Variants in DSCAM observed in about 807,000 individuals in gnomAD.
DSCAM encodes the protein DS cell adhesion molecule, also known as cell adhesion molecule DSCAM.
A neutral mutation model predicts 217.7 loss-of-function variants in DSCAM; 47 were observed. The ratio of observed to expected loss-of-function variants is 0.22; its 90% CI spans 0.17 to 0.28. DSCAM has a LOEUF of 0.28. DSCAM is among the 10% of genes least tolerant of loss of function. The pLI is 1.00. For synonymous variants in DSCAM, 1,056 were observed against 1,015.3 expected (o/e 1.04, Z -0.76); for missense variants, 2,080 against 2,618.3 (o/e 0.79, Z 4.49).
intron 27 of DSCAM, among the ~76,000 whole-genome samples, chr21:40,070,390 GGAAGGA>G (rs1568924707): frequency 2.1e-5 from 3 of 139,890 alleles, no homozygotes; most frequent in Non-Finnish European, 3.2e-5. Flanking sequence ...AAGCAAGGAA[GGAAGGA>G]AAAGAAAAGA....
intron 3 of DSCAM, among the ~76,000 whole-genome samples, chr21:40,650,158 T>A (rs753591402): frequency 5.3e-5 from 8 of 152,130 alleles, no homozygotes; most frequent in Non-Finnish European, 1.0e-4. Flanking sequence ...CTTCCCAAGG[T>A]CAAATGCCCA....
At position 40,758,496 on chromosome 21, in the gene DSCAM, G is replaced by A. The variant is rs969263431; in HGVS notation, c.44-49725C>T. 2.7e-3 allele frequency among the ~76,000 whole-genome samples: 316 copies of A among 118,262 alleles called. 2 individuals carry two copies. The highest frequency in any genetic ancestry group is 9.2e-3 in the African/African-American group (278 of 30,324). The allele number at this position is 118,262 out of a possible 152,430, so 77.6% of individuals were successfully genotyped here. Reference sequence around the variant, plus strand: ...GGTGCCACTGCACTCCAGCCTGGGCGACAGAGCAAGACTCTGTCTCAAAAA... The same window carrying A: ...GGTGCCACTGCACTCCAGCCTGGGCAACAGAGCAAGACTCTGTCTCAAAAA... On this transcript the variant is annotated intron_variant, in intron 1 of 32. Coordinates refer to ENST00000400454, the MANE Select transcript of DSCAM (RefSeq NM_001389.5).
chr21:40,021,849 C>T (rs1340610878), intron 32 of DSCAM, among the ~76,000 whole-genome samples: 1 of 152,192 alleles, frequency 6.6e-6, no homozygotes, highest in Non-Finnish European at 1.5e-5. Context: ...GATTCACACT[C>T]AGAGCTTGTC....
chr21:40,756,343 C>T (rs889389098), intron 1 of DSCAM, among the ~76,000 whole-genome samples: 11 of 152,146 alleles, frequency 7.2e-5, no homozygotes, highest in Non-Finnish European at 1.2e-4. Context: ...TCTTGTACAG[C>T]CTACAGAACA....
intron 3 of DSCAM, among the ~76,000 whole-genome samples, chr21:40,427,448 C>G (rs2075486170): frequency 1.3e-5 from 2 of 152,234 alleles, no homozygotes; most frequent in Admixed American, 6.5e-5. Flanking sequence ...ACCAAACCCC[C>G]TCCAATCTGG....
intron 3 of DSCAM, among the ~76,000 whole-genome samples, chr21:40,692,030 T>A (rs2090543808): frequency 6.6e-6 from 1 of 152,246 alleles, no homozygotes; most frequent in Non-Finnish European, 1.5e-5. Flanking sequence ...CAGACATGTC[T>A]AAAAAAGGCA....
intron 3 of DSCAM, among the ~76,000 whole-genome samples, chr21:40,648,108 A>T (rs1209936152): frequency 6.6e-6 from 1 of 152,220 alleles, no homozygotes; most frequent in Non-Finnish European, 1.5e-5. Context: ...GGAAAAGTAA[A>T]ATAAAAGACT....
At chr21:40,594,166 G>A (rs1048318046) in intron 3 of DSCAM, among the ~76,000 whole-genome samples, 3 of 152,078 alleles carry the variant, frequency 2.0e-5, no homozygotes, top group Admixed American at 6.5e-5. Flanking sequence ...AAAACTTATT[G>A]GGATAAAGTC....
At chr21:40,719,121 A>C (rs1461334597) in intron 1 of DSCAM, among the ~76,000 whole-genome samples, 3 of 150,752 alleles carry the variant, frequency 2.0e-5, no homozygotes. Flanking sequence ...GTCTCCAAAG[A>C]AGAAAAACAC....
At chr21:40,088,324 G>A (rs1415134318) in intron 21 of DSCAM, among the ~76,000 whole-genome samples, 1 of 152,146 alleles carries the variant, frequency 6.6e-6, no homozygotes, top group Non-Finnish European at 1.5e-5. Flanking sequence ...TGGGTTGAGG[G>A]TTTGCATTGG....
intron 1 of DSCAM, among the ~76,000 whole-genome samples, chr21:40,766,933 G>A (rs910663467): frequency 2.0e-5 from 3 of 151,980 alleles, no homozygotes; most frequent in Non-Finnish European, 4.4e-5. Flanking sequence ...TGATCCACCC[G>A]CCTTGGCCTC....
intron 1 of DSCAM, among the ~76,000 whole-genome samples, chr21:40,755,085 T>C (rs1361066057): frequency 1.2e-4 from 19 of 152,050 alleles, no homozygotes; most frequent in Admixed American, 1.1e-3. Flanking sequence ...TCCCACAACA[T>C]GGAAGAGGAA....
chr21:40,155,057 G>C (rs1414062926), intron 16 of DSCAM, among the ~76,000 whole-genome samples: 2 of 152,172 alleles, frequency 1.3e-5, no homozygotes, highest in Non-Finnish European at 2.9e-5. Flanking sequence ...GACAGCTTCC[G>C]CTTTATTCAT....
At chr21:40,594,238 C>A (rs1004032035) in intron 3 of DSCAM, among the ~76,000 whole-genome samples, 1 of 152,144 alleles carries the variant, frequency 6.6e-6, no homozygotes, top group African/African-American at 2.4e-5. Flanking sequence ...AGATTTGGAA[C>A]AATAATACAC....
chr21:40,424,045 A>G (rs1472485735), intron 3 of DSCAM, among the ~76,000 whole-genome samples: 1 of 152,226 alleles, frequency 6.6e-6, no homozygotes, highest in Non-Finnish European at 1.5e-5. Flanking sequence ...TATGATTTCT[A>G]AAAACAGGAA....
chr21:40,535,415 A>G (rs535735785), intron 3 of DSCAM, among the ~76,000 whole-genome samples: 85 of 152,360 alleles, frequency 5.6e-4, no homozygotes, highest in Admixed American at 1.8e-3. Flanking sequence ...TGCCTGCCAC[A>G]TTGTATCTCA....
At chr21:40,575,443 AAGAC>A (rs2076842140) in intron 3 of DSCAM, among the ~76,000 whole-genome samples, 1 of 152,066 alleles carries the variant, frequency 6.6e-6, no homozygotes, top group African/African-American at 2.4e-5. Flanking sequence ...GTTTTGGCAT[AAGAC>A]AGACAATTAG....
At chr21:40,494,824 G>GTT (rs35078874) in intron 3 of DSCAM, among the ~76,000 whole-genome samples, 13 of 142,150 alleles carry the variant, frequency 9.1e-5, no homozygotes, top group South Asian at 2.3e-4. Context: ...CTAAAGTTGG[G>GTT]TTTTTTTTTT....
chr21:40,584,703 G>A (rs13048188), intron 3 of DSCAM, among the ~76,000 whole-genome samples: 29 of 152,132 alleles, frequency 1.9e-4, no homozygotes, highest in Non-Finnish European at 3.4e-4. Context: ...CAGGTCCTGC[G>A]GAGGGGGTTC....
Sources: allele counts gnomAD v4.1 joint callset (sites outside exome capture counted in the v4.1 genomes callset), GRCh38; gene constraint gnomAD v4.1.1; transcripts MANE v1.5; gene names NCBI Gene and HGNC (gene_info 2026-07-23, HGNC 2026-07-21).